PAPPA2: variants seen among roughly 807,000 people sequenced by gnomAD.
PAPPA2 encodes the protein pappalysin-2.
A neutral mutation model predicts 176.4 loss-of-function variants in PAPPA2; 86 were observed. The ratio of observed to expected loss-of-function variants is 0.49; its 90% CI spans 0.41 to 0.58. The LOEUF (loss-of-function observed/expected upper bound fraction) is 0.58, where lower values mean the gene tolerates loss of function less well. Ranked by LOEUF, PAPPA2 falls within the 20% of genes least tolerant of loss-of-function variation. The pLI, the probability that PAPPA2 is intolerant of heterozygous loss-of-function variation, is 0.00. For missense variants in PAPPA2, 2,073 were observed against 2,256.9 expected (o/e 0.92, Z 1.65); for synonymous variants, 809 against 852.2 (o/e 0.95, Z 0.88).
intron 2 of PAPPA2, among the ~76,000 whole-genome samples, chr1:176,576,143 A>G (rs1021813212): frequency 1.3e-5 from 2 of 152,270 alleles, no homozygotes; most frequent in Middle Eastern, 6.8e-3. Flanking sequence ...TTTTTGGCAA[A>G]TGGTTGCTAA....
chr1:176,501,978 GA>G (rs1647987586), intron 1 of PAPPA2, among the ~76,000 whole-genome samples: 1 of 152,090 alleles, frequency 6.6e-6, no homozygotes, highest in Non-Finnish European at 1.5e-5. Context: ...ATACATGAGT[GA>G]AAAAACAATG....
At chr1:176,627,152 A>G (rs923809171) in intron 3 of PAPPA2, among the ~76,000 whole-genome samples, 1 of 152,170 alleles carries the variant, frequency 6.6e-6, no homozygotes, top group African/African-American at 2.4e-5. Context: ...GCATCTAGCT[A>G]CCAAGAAGGT....
chr1:176,632,278 G>A (rs910363458), intron 3 of PAPPA2, among the ~76,000 whole-genome samples: 1 of 150,796 alleles, frequency 6.6e-6, no homozygotes, highest in Non-Finnish European at 1.5e-5. Context: ...CAGCTCTTAG[G>A]AAACTAGAAA....
chr1:176,656,873 T>C (rs1376495626), intron 3 of PAPPA2, among the ~76,000 whole-genome samples: 2 of 151,586 alleles, frequency 1.3e-5, no homozygotes, highest in African/African-American at 4.8e-5. Flanking sequence ...TTTTTTGAAA[T>C]AGAGAAAGTA....
At chr1:176,646,594 T>A (rs1657412589) in intron 3 of PAPPA2, among the ~76,000 whole-genome samples, 1 of 151,000 alleles carries the variant, frequency 6.6e-6, no homozygotes, top group African/African-American at 2.4e-5. Flanking sequence ...ATCATCATTT[T>A]ACTCTCTGTT....
At chr1:176,720,964 C>T (rs577190272) in intron 12 of PAPPA2, among the ~76,000 whole-genome samples, 1 of 152,210 alleles carries the variant, frequency 6.6e-6, no homozygotes, top group South Asian at 2.1e-4. Flanking sequence ...GAAAAGTCTC[C>T]CCTTCTTTCA....
chr1:176,726,016 G>C (rs1661852120), intron 12 of PAPPA2, among the ~76,000 whole-genome samples: 1 of 152,128 alleles, frequency 6.6e-6, no homozygotes, highest in East Asian at 1.9e-4. Flanking sequence ...TCCTGACCTC[G>C]TGATCCGCCC....
At chr1:176,672,446 G>A (rs187261963) in intron 4 of PAPPA2, among the ~76,000 whole-genome samples, 273 of 152,224 alleles carry the variant, frequency 1.8e-3, no homozygotes, top group Non-Finnish European at 2.9e-3. Context: ...TATATGTCAA[G>A]CACCTGGTCA....
At chr1:176,504,601 T>C (rs1323853363) in intron 1 of PAPPA2, among the ~76,000 whole-genome samples, 1 of 152,156 alleles carries the variant, frequency 6.6e-6, no homozygotes, top group Non-Finnish European at 1.5e-5. Flanking sequence ...TGATGCTGTC[T>C]AGTTTTTTCT....
intron 21 of PAPPA2, among the ~76,000 whole-genome samples, chr1:176,810,639 T>C (rs1450308357): frequency 6.6e-6 from 1 of 152,116 alleles, no homozygotes; most frequent in Non-Finnish European, 1.5e-5. Context: ...CAGACCAGAC[T>C]GGGGACCTCT....
intron 1 of PAPPA2, among the ~76,000 whole-genome samples, chr1:176,541,532 G>T (rs1275278986): frequency 1.3e-5 from 2 of 152,132 alleles, no homozygotes; most frequent in East Asian, 1.9e-4. Context: ...AGGCACCAGG[G>T]ATCATAGATA....
chr1:176,695,118 T>C (rs1256925934), intron 6 of PAPPA2, among the ~76,000 whole-genome samples: 3 of 152,178 alleles, frequency 2.0e-5, no homozygotes, highest in African/African-American at 4.8e-5. Context: ...TGGTGATCTG[T>C]TCATTGCGCT....
intron 1 of PAPPA2, among the ~76,000 whole-genome samples, chr1:176,464,847 T>C (rs1651541088): frequency 6.6e-6 from 1 of 152,138 alleles, no homozygotes; most frequent in South Asian, 2.1e-4. Flanking sequence ...TGCAGAAAAA[T>C]TTGAAGAAGA....
In PAPPA2 at chr1:176,832,208, A is replaced by T. The variant is rs184513641; in HGVS notation, c.5203-7965A>T. On this transcript the variant is annotated intron_variant, in intron 21 of 22. Transcript: ENST00000367662. ...GTGTTTTACCTCCATTTGCTCATTT[A>T]TTCCTTGCAGCAATTCTGTGAGGTA... is the stretch of plus-strand genomic sequence containing the variant. Among the ~76,000 whole-genome samples the T allele has an allele frequency of 5.1e-4, 78 of 152,276 alleles. 1 individual carries two copies. The highest frequency in any genetic ancestry group is 5.1e-3 in the Admixed American group (78 of 15,302).
At chr1:176,839,031 C>T (rs191770864) in intron 21 of PAPPA2, among the ~76,000 whole-genome samples, 4 of 152,240 alleles carry the variant, frequency 2.6e-5, no homozygotes, top group Admixed American at 1.3e-4. Flanking sequence ...TGGTAAAATA[C>T]AAAACTGTCC....
At chr1:176,757,178 T>A (rs868822519) in intron 14 of PAPPA2, among the ~76,000 whole-genome samples, 12 of 152,378 alleles carry the variant, frequency 7.9e-5, no homozygotes, top group African/African-American at 2.9e-4. Flanking sequence ...CGTGTGCACG[T>A]GTCTTTATAG....
chr1:176,767,805 C>T (rs552217844), intron 15 of PAPPA2, among the ~76,000 whole-genome samples: 84 of 152,322 alleles, frequency 5.5e-4, no homozygotes, highest in African/African-American at 1.9e-3. Context: ...GCTGACCAAA[C>T]GTGCTGTCAC....
intron 1 of PAPPA2, among the ~76,000 whole-genome samples, chr1:176,492,299 C>T (rs1260649908): frequency 6.6e-6 from 1 of 152,186 alleles, no homozygotes; most frequent in African/African-American, 2.4e-5. Flanking sequence ...TCTGTCTCCT[C>T]AGTGGCCTTT....
intron 1 of PAPPA2, among the ~76,000 whole-genome samples, chr1:176,502,915 A>G (rs1648048239): frequency 6.6e-6 from 1 of 152,170 alleles, no homozygotes; most frequent in Non-Finnish European, 1.5e-5. Flanking sequence ...CCTGAGTATG[A>G]TGCACCCAGT....
Sources: gnomAD v4.1 joint callset for allele counts (sites outside exome capture counted in the v4.1 genomes callset) on GRCh38, gnomAD v4.1.1 for gene constraint, MANE v1.5 for transcripts, NCBI Gene and HGNC (gene_info 2026-07-23, HGNC 2026-07-21) for gene names.